HOMER1: variants seen among roughly 807,000 people sequenced by gnomAD.
HOMER1 encodes the protein homer scaffold protein 1.
A neutral mutation model predicts 48.9 loss-of-function variants in HOMER1; 3 were observed. The ratio of observed to expected loss-of-function variants is 0.06; its 90% CI spans 0.03 to 0.16. HOMER1 has a LOEUF of 0.16. Ranked by LOEUF, HOMER1 falls within the 10% of genes least tolerant of loss-of-function variation. HOMER1 has a pLI of 1.00. For missense variants in HOMER1, 247 were observed against 411.4 expected (o/e 0.60, Z 3.46); for synonymous variants, 134 against 146.4 (o/e 0.92, Z 0.61).
intron 1 of HOMER1, among the ~76,000 whole-genome samples, chr5:79,508,876 T>C (rs1053190529): frequency 6.6e-6 from 1 of 152,234 alleles, no homozygotes; most frequent in African/African-American, 2.4e-5. Context: ...GCACATTGTA[T>C]TGGCCTTCCT....
At chr5:79,475,405 G>A (rs950311124) in intron 1 of HOMER1, among the ~76,000 whole-genome samples, 1 of 148,262 alleles carries the variant, frequency 6.7e-6, no homozygotes, top group Non-Finnish European at 1.5e-5. Context: ...TTCAATAAAT[G>A]CTGAAAAAAT....
rs576437749 is a variant in HOMER1, at chr5:79,425,696, T to A, written c.527+13314A>T. Among the ~76,000 whole-genome samples the A allele has an allele frequency of 2.0e-5, 3 of 152,158 alleles. No homozygotes were observed. In the South Asian group the frequency reaches 6.2e-4, roughly 32 times the overall value. On this transcript the variant is annotated intron_variant, in intron 5 of 8. Coordinates refer to ENST00000334082, the MANE Select transcript of HOMER1 (RefSeq NM_004272.5). Reference sequence around the variant, plus strand: ...TAACTACTAATAGTAGCAGTGTTCTTGGACTCAGGTAACATTCCATGACAT... The same window carrying A: ...TAACTACTAATAGTAGCAGTGTTCTAGGACTCAGGTAACATTCCATGACAT...
At chr5:79,403,284 T>A (rs1373769726) in intron 5 of HOMER1, among the ~76,000 whole-genome samples, 1 of 152,208 alleles carries the variant, frequency 6.6e-6, no homozygotes, top group Non-Finnish European at 1.5e-5. Flanking sequence ...GGGGGTTTGA[T>A]AAATCATTTG....
chr5:79,483,098 C>CA (rs58465689), intron 1 of HOMER1, among the ~76,000 whole-genome samples: 1,846 of 147,640 alleles, frequency 0.013, 37 homozygotes, highest in African/African-American at 0.041. Flanking sequence ...ACCACAAGCG[C>CA]AAAAAAAAAA....
chr5:79,465,584 CTTTTTTTTTTT>C (rs10666507), intron 1 of HOMER1, among the ~76,000 whole-genome samples: 23 of 77,894 alleles, frequency 3.0e-4, no homozygotes, highest in South Asian at 1.6e-3. Context: ...TACATTTCTT[CTTTTTTTTTTT>C]TTTTTTTTTT....
chr5:79,453,634 A>G (rs930295727), intron 2 of HOMER1, among the ~76,000 whole-genome samples: 2 of 152,194 alleles, frequency 1.3e-5, no homozygotes, highest in African/African-American at 2.4e-5. Context: ...TAAGGAAAAG[A>G]GGTAGAAATG....
intron 5 of HOMER1, among the ~76,000 whole-genome samples, chr5:79,425,332 TAA>T (rs1750217298): frequency 6.6e-6 from 1 of 151,798 alleles, no homozygotes; most frequent in African/African-American, 2.4e-5. Flanking sequence ...TGTAAGAGAA[TAA>T]AGAGTCCAGC....
At chr5:79,384,557 T>A (rs1380970979) in intron 8 of HOMER1, among the ~76,000 whole-genome samples, 1 of 152,130 alleles carries the variant, frequency 6.6e-6, no homozygotes, top group Non-Finnish European at 1.5e-5. Flanking sequence ...CACTGCCAAA[T>A]TCTACAAAAC....
chr5:79,399,521 T>C (rs1222113490), intron 6 of HOMER1, among the ~76,000 whole-genome samples: 1 of 152,196 alleles, frequency 6.6e-6, no homozygotes, highest in Non-Finnish European at 1.5e-5. Context: ...AAGGGTTATG[T>C]CTTAGAGATA....
intron 5 of HOMER1, among the ~76,000 whole-genome samples, chr5:79,436,257 A>G (rs913808807): frequency 2.6e-5 from 4 of 152,256 alleles, no homozygotes; most frequent in Non-Finnish European, 5.9e-5. Flanking sequence ...TTAGATTTCA[A>G]TAAAATTTAT....
chr5:79,426,058 A>T (rs544215098), intron 5 of HOMER1, among the ~76,000 whole-genome samples: 7 of 151,588 alleles, frequency 4.6e-5, no homozygotes, highest in Non-Finnish European at 8.9e-5. Flanking sequence ...AAAAAAAAAA[A>T]CCCTTTAGTG....
At chr5:79,436,891 CTG>C (rs1351194206) in intron 5 of HOMER1, among the ~76,000 whole-genome samples, 1 of 152,108 alleles carries the variant, frequency 6.6e-6, no homozygotes. Flanking sequence ...TAAAAAAATC[CTG>C]TGAAGTATTT....
intron 2 of HOMER1, among the ~76,000 whole-genome samples, chr5:79,452,043 G>A (rs1261563324): frequency 2.6e-5 from 4 of 152,084 alleles, no homozygotes; most frequent in Non-Finnish European, 5.9e-5. Context: ...GGACCCCTAT[G>A]TATACTAAAA....
intron 8 of HOMER1, among the ~76,000 whole-genome samples, chr5:79,388,414 T>C (rs1749170134): frequency 1.3e-5 from 2 of 152,138 alleles, no homozygotes. Context: ...AAAATGCAAA[T>C]GTGTAAGCAA....
intron 3 of HOMER1, among the ~76,000 whole-genome samples, chr5:79,450,332 T>C (rs559339504): frequency 2.6e-4 from 40 of 152,322 alleles, no homozygotes; most frequent in African/African-American, 9.6e-4. Flanking sequence ...CTGTGTAACA[T>C]CCACAAGAAC....
intron 5 of HOMER1, among the ~76,000 whole-genome samples, chr5:79,428,916 T>C (rs1750346282): frequency 6.6e-6 from 1 of 152,220 alleles, no homozygotes; most frequent in African/African-American, 2.4e-5. Flanking sequence ...CCAACTGGTT[T>C]CATTGAAGAA....
intron 1 of HOMER1, among the ~76,000 whole-genome samples, chr5:79,474,360 ACTTTCTAAG>A (rs971795385): frequency 9.1e-5 from 12 of 132,578 alleles, no homozygotes; most frequent in African/African-American, 2.8e-4. Flanking sequence ...GCCTTTCTAA[ACTTTCTAAG>A]ACTAAATTCT....
chr5:79,429,382 G>C (rs138983262), intron 5 of HOMER1, among the ~76,000 whole-genome samples: 2,441 of 152,172 alleles, frequency 0.016, 187 homozygotes, highest in Admixed American at 0.13. Context: ...CTGAAAAAAA[G>C]AAAGTGCAGT....
At chr5:79,380,020 G>C (rs1265920380) in intron 8 of HOMER1, among the ~76,000 whole-genome samples, 4 of 152,100 alleles carry the variant, frequency 2.6e-5, no homozygotes, top group African/African-American at 7.2e-5. Flanking sequence ...ACTTCAAATG[G>C]ATCATCCAAC....
Sources: allele counts gnomAD v4.1 joint callset (sites outside exome capture counted in the v4.1 genomes callset), GRCh38; gene constraint gnomAD v4.1.1; transcripts MANE v1.5; gene names NCBI Gene and HGNC (gene_info 2026-07-23, HGNC 2026-07-21).